Variants in CSGALNACT1 observed in about 807,000 individuals in gnomAD.
CSGALNACT1 encodes the protein beta4GalNAcT-1.
A neutral mutation model predicts 51.0 loss-of-function variants in CSGALNACT1; 52 were observed. That is an observed-to-expected ratio of 1.02 (90% CI 0.82 to 1.29). The LOEUF (loss-of-function observed/expected upper bound fraction) is 1.29. Among genes scored for constraint, CSGALNACT1 ranks in the 50% most tolerant of loss-of-function variants. CSGALNACT1 has a pLI of 0.00. For synonymous variants in CSGALNACT1, 341 were observed against 254.4 expected (o/e 1.34, Z -3.24); for missense variants, 935 against 679.2 (o/e 1.38, Z -4.19).
intron 3 of CSGALNACT1, among the ~76,000 whole-genome samples, chr8:19,518,905 T>C (rs560685569): frequency 6.6e-6 from 1 of 152,264 alleles, no homozygotes; most frequent in South Asian, 2.1e-4. Flanking sequence ...GGCTCAACTT[T>C]ATTTATTTAC....
chr8:19,712,025 T>G (rs570223021), intron 1 of CSGALNACT1, among the ~76,000 whole-genome samples: 1 of 152,014 alleles, frequency 6.6e-6, no homozygotes, highest in South Asian at 2.1e-4. Flanking sequence ...AACTCAGAGC[T>G]CTTTTATTTT....
Position 19,408,949 on chromosome 8 carries a change from A to AACACACACACACACAC in CSGALNACT1, c.1228-271_1228-256dup, listed in dbSNP as rs5889870. On this transcript the variant is annotated intron_variant, in intron 8 of 9. Coordinates refer to ENST00000454498, the Ensembl canonical transcript of CSGALNACT1. ...AATGTTTCTAGGGCATAGATATGAA[A>AACACACACACACACAC]ACACACACACACACACACACACACA... Among the ~76,000 whole-genome samples, 700 of 142,268 alleles carry AACACACACACACACAC rather than the reference A, an allele frequency of 4.9e-3. 8 individuals carry two copies. Among genetic ancestry groups the AACACACACACACACAC allele is most frequent in the Middle Eastern group, 0.011 (3 of 278 alleles). 93.3% of individuals were successfully genotyped at this position (142,268 alleles called of 152,430 possible).
intron 3 of CSGALNACT1, among the ~76,000 whole-genome samples, chr8:19,524,408 A>T (rs2081280933): frequency 1.3e-5 from 2 of 152,106 alleles, no homozygotes; most frequent in Non-Finnish European, 2.9e-5. Flanking sequence ...CTCAAAACTC[A>T]CCATTTAATC....
intron 1 of CSGALNACT1, among the ~76,000 whole-genome samples, chr8:19,754,580 C>T (rs1038859476): frequency 6.6e-6 from 1 of 152,182 alleles, no homozygotes; most frequent in African/African-American, 2.4e-5. Context: ...AATCCAAATT[C>T]TTACATCTCT....
At position 19,526,323 on chromosome 8, in the gene CSGALNACT1, G is replaced by A. The variant is rs537545443; in HGVS notation, c.-296-20193C>T. 8.0e-4 allele frequency among the ~76,000 whole-genome samples: 122 copies of A among 152,280 alleles called. No individual in the cohort carries two copies. In the South Asian group the frequency reaches 0.021, roughly 27 times the overall value. Reference sequence around the variant, plus strand: ...ATAAAGGCCAGGCACAGTGGCTTACGCCTATAATCCCAGCACTTTGGGAAG... The same window carrying A: ...ATAAAGGCCAGGCACAGTGGCTTACACCTATAATCCCAGCACTTTGGGAAG... On this transcript the variant is annotated intron_variant, in intron 3 of 9. Transcript: ENST00000454498.
intron 3 of CSGALNACT1, chr8:19,531,790 C>T (rs763676493): frequency 6.6e-6 from 1 of 152,228 alleles, no homozygotes; most frequent in South Asian, 2.1e-4. Context: ...GAGCACACCA[C>T]CCATCATAGC....
In CSGALNACT1 at chr8:19,660,698, A is replaced by C. The variant is rs1000587793; in HGVS notation, c.-544+21775T>G. 3.3e-5 allele frequency among the ~76,000 whole-genome samples: 5 copies of C among 152,138 alleles called. No individual in the cohort carries two copies. In the East Asian group the frequency reaches 9.6e-4, roughly 29 times the overall value. Reference sequence around the variant, plus strand: ...CAAAAGCTCCAGTTGTTACAGGCACATTCTCAGAGCCTACCTCCCCATGAT... The same window carrying C: ...CAAAAGCTCCAGTTGTTACAGGCACCTTCTCAGAGCCTACCTCCCCATGAT... On this transcript the variant is annotated intron_variant, in intron 1 of 9. Transcript: ENST00000332246.
intron 1 of CSGALNACT1, among the ~76,000 whole-genome samples, chr8:19,699,055 C>A (rs1168586394): frequency 6.6e-6 from 1 of 151,418 alleles, no homozygotes; most frequent in East Asian, 1.9e-4. Context: ...CTTTTTTTTG[C>A]TTTGTTTTTT....
At chr8:19,542,355 G>A (rs907888062) in intron 3 of CSGALNACT1, among the ~76,000 whole-genome samples, 5 of 152,116 alleles carry the variant, frequency 3.3e-5, no homozygotes, top group Non-Finnish European at 5.9e-5. Context: ...AATAAGAAGG[G>A]AAGAATGTTT....
At position 19,748,690 on chromosome 8, in the gene CSGALNACT1, C is replaced by T. The variant is rs970333422; in HGVS notation, c.-297+9160G>A. ...AATCTAAAGAATTAAGTAGGCTGAG[C>T]GCAGTGGCTCACATCTGTAAACCCA... On this transcript the variant is annotated intron_variant, in intron 1 of 1. Coordinates refer to the CSGALNACT1 transcript ENST00000517494. Among the ~76,000 whole-genome samples the T allele has an allele frequency of 2.6e-5, 4 of 152,196 alleles. No individual in the cohort carries two copies. The South Asian group carries it at 6.2e-4, about 24-fold the overall frequency.
At chr8:19,635,036 C>T (rs940425453) in intron 1 of CSGALNACT1, among the ~76,000 whole-genome samples, 12 of 152,176 alleles carry the variant, frequency 7.9e-5, no homozygotes, top group African/African-American at 1.9e-4. Flanking sequence ...AAATGTTGTA[C>T]GTTTTAAGTA....
intron 2 of CSGALNACT1, among the ~76,000 whole-genome samples, chr8:19,596,532 A>G (rs555874979): frequency 6.6e-6 from 1 of 152,224 alleles, no homozygotes; most frequent in East Asian, 1.9e-4. Context: ...AAGAAAAACA[A>G]GTGAGAAAGA....
intron 4 of CSGALNACT1, among the ~76,000 whole-genome samples, chr8:19,479,829 G>GAA (rs1212623661): frequency 1.5e-4 from 1 of 6,762 alleles, no homozygotes; most frequent in African/African-American, 4.3e-4. Context: ...AAAGAACTTA[G>GAA]AAAAAAAAAA....
chr8:19,550,057 T>A (rs1169549758), intron 3 of CSGALNACT1, among the ~76,000 whole-genome samples: 1 of 152,210 alleles, frequency 6.6e-6, no homozygotes, highest in Non-Finnish European at 1.5e-5. Context: ...AATGTACTCT[T>A]TCCACATGGA....
intron 3 of CSGALNACT1, among the ~76,000 whole-genome samples, chr8:19,586,629 T>C (rs1344381355): frequency 1.3e-5 from 2 of 152,112 alleles, no homozygotes; most frequent in East Asian, 1.9e-4. Flanking sequence ...GCTTAGTCTA[T>C]GACTGGCAAT....
intron 4 of CSGALNACT1, among the ~76,000 whole-genome samples, chr8:19,498,297 T>C (rs2075823375): frequency 6.6e-6 from 1 of 152,104 alleles, no homozygotes; most frequent in Non-Finnish European, 1.5e-5. Flanking sequence ...CATACACACA[T>C]GTTGATTAAG....
chr8:19,427,382 C>T (rs745856957), intron 6 of CSGALNACT1, among the ~76,000 whole-genome samples: 3 of 152,154 alleles, frequency 2.0e-5, no homozygotes, highest in African/African-American at 7.2e-5. Flanking sequence ...TGTTTTGAAT[C>T]GAGAAATCAA....
intron 4 of CSGALNACT1, among the ~76,000 whole-genome samples, chr8:19,476,485 A>AC (rs1477655570): frequency 1.3e-5 from 2 of 152,178 alleles, no homozygotes; most frequent in East Asian, 3.9e-4. Context: ...CAGGTGATCC[A>AC]CCCACCTCAC....
rs148142550 is a variant in CSGALNACT1 at position 19,713,062 on chromosome 8, C to A, written c.-297+44788G>T. On this transcript the variant is annotated intron_variant, in intron 1 of 1. Coordinates refer to the CSGALNACT1 transcript ENST00000517494. ...TTCCAGTGCTTTATCTCACCTCTTTCAGAAAACATTGCCTGATTACTCTCC... is the reference window on the plus strand; with the variant it reads ...TTCCAGTGCTTTATCTCACCTCTTTAAGAAAACATTGCCTGATTACTCTCC... 2.0e-5 allele frequency among the ~76,000 whole-genome samples: 3 copies of A among 152,284 alleles called. No homozygotes were observed. In the East Asian group the frequency reaches 5.8e-4, roughly 29 times the overall value.
Sources: gnomAD v4.1 joint callset for allele counts (sites outside exome capture counted in the v4.1 genomes callset) on GRCh38, gnomAD v4.1.1 for gene constraint, MANE v1.5 for transcripts, NCBI Gene and HGNC (gene_info 2026-07-23, HGNC 2026-07-21) for gene names.